Variants in SEMA5A observed in about 807,000 individuals in gnomAD.
SEMA5A encodes semaphorin 5A, also known as semaphorin-5A.
SEMA5A carries 55 observed loss-of-function variants against 135.5 expected under a neutral mutation model. That is an observed-to-expected ratio of 0.41 (90% CI 0.33 to 0.51). SEMA5A has a LOEUF of 0.51. Among genes scored for constraint, SEMA5A ranks in the 20% least tolerant of loss-of-function variants. The pLI, the probability that SEMA5A is intolerant of heterozygous loss-of-function variation, is 0.37. For synonymous variants in SEMA5A, 580 were observed against 546.5 expected, an observed-to-expected ratio of 1.06 and a Z score of -0.85; for missense variants, 1,290 against 1,419.9, an observed-to-expected ratio of 0.91 and a Z score of 1.47.
At chr5:9,387,603 C>A (rs76690507) in intron 2 of SEMA5A, among the ~76,000 whole-genome samples, 1 of 152,100 alleles carries the variant, frequency 6.6e-6, no homozygotes, top group Admixed American at 6.5e-5. Context: ...TCAAAGCCCA[C>A]GGTGTGTTCA....
At chr5:9,081,306 A>G (rs1738370477) in intron 16 of SEMA5A, among the ~76,000 whole-genome samples, 2 of 152,178 alleles carry the variant, frequency 1.3e-5, no homozygotes, top group South Asian at 4.1e-4. Flanking sequence ...GAATTTTCCC[A>G]GACTTTGACT....
At chr5:9,333,670 T>G (rs949694223) in intron 4 of SEMA5A, among the ~76,000 whole-genome samples, 4 of 152,210 alleles carry the variant, frequency 2.6e-5, no homozygotes, top group Non-Finnish European at 4.4e-5. Context: ...TTTTGAATTT[T>G]TTATACCAAG....
At chr5:9,083,332 T>C (rs186997124) in intron 16 of SEMA5A, among the ~76,000 whole-genome samples, 1 of 152,310 alleles carries the variant, frequency 6.6e-6, no homozygotes, top group East Asian at 1.9e-4. Flanking sequence ...GCCAATTTAC[T>C]ATGGGAAATT....
chr5:9,497,217 A>G (rs754626905), intron 1 of SEMA5A, among the ~76,000 whole-genome samples: 1 of 152,256 alleles, frequency 6.6e-6, no homozygotes, highest in Non-Finnish European at 1.5e-5. Context: ...ATGAGCTCCC[A>G]AGAGTAACCA....
At chr5:9,501,463 T>A (rs987806980) in intron 1 of SEMA5A, among the ~76,000 whole-genome samples, 1 of 151,986 alleles carries the variant, frequency 6.6e-6, no homozygotes, top group Non-Finnish European at 1.5e-5. Flanking sequence ...TCCTTCTGAG[T>A]TTTTTCCTAT....
At chr5:9,535,666 A>C (rs1280882919) in intron 1 of SEMA5A, among the ~76,000 whole-genome samples, 1 of 152,082 alleles carries the variant, frequency 6.6e-6, no homozygotes, top group Non-Finnish European at 1.5e-5. Flanking sequence ...CTTGCTCAGC[A>C]CCACCTTTGA....
intron 13 of SEMA5A, among the ~76,000 whole-genome samples, chr5:9,124,509 T>C (rs1407015559): frequency 6.6e-6 from 1 of 152,066 alleles, no homozygotes; most frequent in Non-Finnish European, 1.5e-5. Flanking sequence ...CAGGCTGGAG[T>C]GCAGTGGTGT....
At chr5:9,334,010 A>G (rs1753272128) in intron 4 of SEMA5A, among the ~76,000 whole-genome samples, 3 of 152,130 alleles carry the variant, frequency 2.0e-5, no homozygotes, top group South Asian at 4.1e-4. Flanking sequence ...TCTTCCAGAA[A>G]TTCCCTGAAT....
intron 18 of SEMA5A, among the ~76,000 whole-genome samples, chr5:9,058,043 A>G (rs983602730): frequency 6.6e-6 from 1 of 152,232 alleles, no homozygotes; most frequent in African/African-American, 2.4e-5. Flanking sequence ...CAGGGCCAAG[A>G]AAACAAAACA....
In SEMA5A at chr5:9,455,138, C is replaced by T. The variant is rs557308380; in HGVS notation, c.-174-17286G>A. Among the ~76,000 whole-genome samples, 3 of 152,296 alleles carry T rather than the reference C, an allele frequency of 2.0e-5. No homozygotes were observed. In the East Asian group the frequency reaches 5.8e-4, roughly 29 times the overall value. On this transcript the variant is annotated intron_variant, in intron 1 of 22. Transcript: ENST00000382496. ...TCCACCAGCATAAGATGGGGCTTTA[C>T]CTGACCCTGTCCCTGTCCCTGAAGC...
At chr5:9,089,758 A>G (rs1738930897) in intron 16 of SEMA5A, among the ~76,000 whole-genome samples, 1 of 152,184 alleles carries the variant, frequency 6.6e-6, no homozygotes, top group South Asian at 2.1e-4. Context: ...TAAGTATGAT[A>G]ATGTTTGTGG....
chr5:9,438,687 C>A (rs1758122486), intron 1 of SEMA5A, among the ~76,000 whole-genome samples: 1 of 152,184 alleles, frequency 6.6e-6, no homozygotes, highest in South Asian at 2.1e-4. Context: ...TTTCTCTACA[C>A]TTCCCAGGTG....
intron 10 of SEMA5A, among the ~76,000 whole-genome samples, chr5:9,194,619 A>G (rs570190313): frequency 1.1e-3 from 161 of 152,346 alleles, no homozygotes; most frequent in Middle Eastern, 3.4e-3. Context: ...AGTAAACATA[A>G]AGAAAACACT....
chr5:9,197,706 G>A (rs1286669760), intron 9 of SEMA5A, among the ~76,000 whole-genome samples: 1 of 141,822 alleles, frequency 7.1e-6, no homozygotes, highest in African/African-American at 2.6e-5. Context: ...TGGTCACTTT[G>A]CCCAGCAGCA....
intron 11 of SEMA5A, among the ~76,000 whole-genome samples, chr5:9,183,287 G>A (rs1213117791): frequency 1.3e-5 from 2 of 152,180 alleles, no homozygotes; most frequent in African/African-American, 4.8e-5. Flanking sequence ...GAAAATGGAA[G>A]GGGAATTCAC....
chr5:9,412,718 G>A (rs1176568743), intron 2 of SEMA5A, among the ~76,000 whole-genome samples: 10 of 151,148 alleles, frequency 6.6e-5, no homozygotes, highest in Non-Finnish European at 1.3e-4. Context: ...ATAGCCTGAA[G>A]GTGATTTATA....
intron 2 of SEMA5A, chr5:9,422,476 T>C (rs1305849692): frequency 6.6e-6 from 1 of 152,204 alleles, no homozygotes; most frequent in African/African-American, 2.4e-5. Context: ...AAGTTGAATT[T>C]GCAAGAAAGA....
At chr5:9,286,290 A>C (rs1489884645) in intron 5 of SEMA5A, among the ~76,000 whole-genome samples, 1 of 152,190 alleles carries the variant, frequency 6.6e-6, no homozygotes, top group African/African-American at 2.4e-5. Flanking sequence ...GGTTACTTTT[A>C]ACTGATTTTA....
At position 9,437,506 on chromosome 5, in the gene SEMA5A, G is replaced by A. The variant is rs530589141; in HGVS notation, c.-78+250C>T. ...CAAGTAGCTGGGATTATAGGCACGCGCCACCACGCCAGGCTAATTTTTGTA... is the reference window on the plus strand; with the variant it reads ...CAAGTAGCTGGGATTATAGGCACGCACCACCACGCCAGGCTAATTTTTGTA... On this transcript the variant is annotated intron_variant, in intron 2 of 22. Coordinates refer to ENST00000382496, the MANE Select transcript of SEMA5A (RefSeq NM_003966.3). 2.2e-4 allele frequency among the ~76,000 whole-genome samples: 34 copies of A among 152,054 alleles called. No individual in the cohort carries two copies. In the South Asian group the frequency reaches 4.2e-3, roughly 19 times the overall value.
Sources: allele counts gnomAD v4.1 joint callset (sites outside exome capture counted in the v4.1 genomes callset), GRCh38; gene constraint gnomAD v4.1.1; transcripts MANE v1.5; gene names NCBI Gene and HGNC (gene_info 2026-07-23, HGNC 2026-07-21).